Variants in SLC44A5 observed in about 807,000 individuals in gnomAD.
SLC44A5 encodes the protein choline transporter-like protein 5.
SLC44A5 carries 57 observed loss-of-function variants against 101.8 expected under a neutral mutation model. That is an observed-to-expected ratio of 0.56 (90% CI 0.45 to 0.70). The LOEUF (loss-of-function observed/expected upper bound fraction) is 0.70. Among genes scored for constraint, SLC44A5 ranks in the 30% least tolerant of loss-of-function variants. SLC44A5 has a pLI of 0.00. For synonymous variants in SLC44A5, 281 were observed against 290.9 expected, an observed-to-expected ratio of 0.97 and a Z score of 0.35; for missense variants, 737 against 853.1, an observed-to-expected ratio of 0.86 and a Z score of 1.70.
chr1:75,708,101 A>G, the SLC44A5 span, among the ~76,000 whole-genome samples: 2 of 152,222 alleles, frequency 1.3e-5, no homozygotes, highest in East Asian at 3.9e-4. Context: ...TCTAGAGATT[A>G]TATCAAAATC....
chr1:75,371,171 A>G (rs1428314154), intron 3 of SLC44A5, among the ~76,000 whole-genome samples: 1 of 152,238 alleles, frequency 6.6e-6, no homozygotes, highest in Non-Finnish European at 1.5e-5. Flanking sequence ...ATGGGAAATT[A>G]TACATTCACC....
chr1:75,685,572 A>G, the SLC44A5 span, among the ~76,000 whole-genome samples: 1 of 152,196 alleles, frequency 6.6e-6, no homozygotes, highest in African/African-American at 2.4e-5. Flanking sequence ...CCTGGACTTC[A>G]TGGTCCATAT....
chr1:75,679,956 T>G, the SLC44A5 span, among the ~76,000 whole-genome samples: 2 of 152,138 alleles, frequency 1.3e-5, no homozygotes, highest in African/African-American at 4.8e-5. Context: ...AGGCAGGGGT[T>G]GCAATCCTAG....
intron 3 of SLC44A5, among the ~76,000 whole-genome samples, chr1:75,340,006 T>C (rs1657751197): frequency 6.6e-6 from 1 of 152,186 alleles, no homozygotes; most frequent in Non-Finnish European, 1.5e-5. Context: ...GAGGTGCACA[T>C]TTCAATATGA....
chr1:75,388,148 A>T (rs1661513067), intron 3 of SLC44A5, among the ~76,000 whole-genome samples: 1 of 146,828 alleles, frequency 6.8e-6, no homozygotes, highest in Admixed American at 6.8e-5. Context: ...CCAGCATGGC[A>T]CATGTATACA....
At chr1:75,613,020 A>T (rs1462430451), upstream of SLC44A5, among the ~76,000 whole-genome samples, 1 of 152,202 alleles carries the variant, frequency 6.6e-6, no homozygotes, top group Admixed American at 6.5e-5. Flanking sequence ...AATCCTGCCA[A>T]CAGATCTTAT....
chr1:75,254,291 G>A (rs111256648), intron 6 of SLC44A5, among the ~76,000 whole-genome samples: 8,822 of 152,168 alleles, frequency 0.058, 335 homozygotes, highest in Non-Finnish European at 0.084. Context: ...TGCCTGCATC[G>A]GCCTCCCAAA....
At chr1:75,358,771 C>T (rs1204836074) in intron 3 of SLC44A5, among the ~76,000 whole-genome samples, 1 of 152,078 alleles carries the variant, frequency 6.6e-6, no homozygotes, top group Non-Finnish European at 1.5e-5. Flanking sequence ...TGTGATGGTT[C>T]AATACATGTA....
intron 2 of SLC44A5, among the ~76,000 whole-genome samples, chr1:75,401,279 A>G (rs546751934): frequency 6.6e-6 from 1 of 152,326 alleles, no homozygotes; most frequent in Non-Finnish European, 1.5e-5. Flanking sequence ...CTGGATATCA[A>G]ATTCTATGCT....
chr1:75,422,266 C>A (rs940283051), intron 2 of SLC44A5, among the ~76,000 whole-genome samples: 1 of 152,180 alleles, frequency 6.6e-6, no homozygotes, highest in South Asian at 2.1e-4. Context: ...GATATGATTT[C>A]TATCAGGCTA....
intron 2 of SLC44A5, among the ~76,000 whole-genome samples, chr1:75,433,613 T>C (rs1311743614): frequency 1.3e-5 from 2 of 152,162 alleles, no homozygotes; most frequent in Admixed American, 6.5e-5. Flanking sequence ...AAATTTATAA[T>C]CTTAGTTCTC....
At chr1:75,444,742 G>T (rs1054440925) in intron 2 of SLC44A5, among the ~76,000 whole-genome samples, 4 of 152,062 alleles carry the variant, frequency 2.6e-5, no homozygotes, top group Admixed American at 2.6e-4. Flanking sequence ...TAAGGGGAGG[G>T]TTCCATCCTA....
the SLC44A5 span, chr1:75,641,253 T>C: frequency 2.1e-6 from 1 of 481,480 alleles, no homozygotes; most frequent in South Asian, 3.1e-5. Context: ...TAATCTTACA[T>C]GTTTAAAGCA....
intron 2 of SLC44A5, among the ~76,000 whole-genome samples, chr1:75,519,189 A>C (rs964816116): frequency 1.3e-5 from 2 of 152,170 alleles, no homozygotes; most frequent in African/African-American, 2.4e-5. Flanking sequence ...AGTTTCGCAC[A>C]AAGTGTGAGC....
At chr1:75,590,576 T>G (rs1424699181) in intron 1 of SLC44A5, among the ~76,000 whole-genome samples, 1 of 152,082 alleles carries the variant, frequency 6.6e-6, no homozygotes, top group Non-Finnish European at 1.5e-5. Flanking sequence ...CCCAGTGCCC[T>G]GAGGGGAGTC....
chr1:75,463,283 G>A (rs999610797), intron 2 of SLC44A5, among the ~76,000 whole-genome samples: 16 of 152,138 alleles, frequency 1.1e-4, no homozygotes, highest in East Asian at 9.7e-4. Flanking sequence ...AGCTGGGCGC[G>A]GTGGCAGGCG....
chr1:75,434,256 C>T (rs1664767880), intron 2 of SLC44A5, among the ~76,000 whole-genome samples: 1 of 152,168 alleles, frequency 6.6e-6, no homozygotes, highest in Non-Finnish European at 1.5e-5. Context: ...GTCAACAACT[C>T]TTGATACTTT....
At chr1:75,587,229 C>T (rs1674059873) in intron 1 of SLC44A5, among the ~76,000 whole-genome samples, 1 of 152,068 alleles carries the variant, frequency 6.6e-6, no homozygotes, top group South Asian at 2.1e-4. Flanking sequence ...TGCAGCTGAG[C>T]TAATTAAGCA....
At chr1:75,556,224 T>C (rs887566750) in intron 1 of SLC44A5, among the ~76,000 whole-genome samples, 1 of 152,152 alleles carries the variant, frequency 6.6e-6, no homozygotes, top group Non-Finnish European at 1.5e-5. Flanking sequence ...TTTGTTCTAC[T>C]GTGCCCTATG....
Sources: allele counts gnomAD v4.1 joint callset (sites outside exome capture counted in the v4.1 genomes callset), GRCh38; gene constraint gnomAD v4.1.1; transcripts MANE v1.5; gene names NCBI Gene and HGNC (gene_info 2026-07-23, HGNC 2026-07-21).